ZNF783: variants seen among roughly 807,000 people sequenced by gnomAD.
ZNF783 encodes zinc finger protein 783.
Under a neutral mutation model 31.3 loss-of-function variants are expected in ZNF783, and 25 were observed. The observed-to-expected ratio is 0.80, with a 90% CI of 0.58 to 1.11. The LOEUF is 1.11. Ranked by LOEUF, ZNF783 falls within the 50% of genes most tolerant of loss-of-function variation. The pLI is 0.00. For synonymous variants in ZNF783, 369 were observed against 319.1 expected (o/e 1.16, Z -1.66); for missense variants, 797 against 760.0 (o/e 1.05, Z -0.57).
chr7:149,280,827 C>T (rs1036606105), intron 5 of ZNF783, among the ~76,000 whole-genome samples: 2 of 152,208 alleles, frequency 1.3e-5, no homozygotes, highest in East Asian at 3.9e-4. Flanking sequence ...TTGCTGTGAT[C>T]ACCTGCCACT....
At chr7:149,274,433 T>C (rs1020706155) in intron 4 of ZNF783, among the ~76,000 whole-genome samples, 13 of 152,096 alleles carry the variant, frequency 8.5e-5, no homozygotes, top group Non-Finnish European at 8.8e-5. Flanking sequence ...TGGCACAGTC[T>C]TGGCTCACTG....
intron 4 of ZNF783, among the ~76,000 whole-genome samples, chr7:149,272,696 T>G (rs1797234871): frequency 6.6e-6 from 1 of 152,174 alleles, no homozygotes; most frequent in Non-Finnish European, 1.5e-5. Context: ...TCAGGGTAAA[T>G]GGGATATTCA....
At chr7:149,276,634 G>A in intron 4 of ZNF783, 2 of 971,710 alleles carry the variant, frequency 2.1e-6, no homozygotes, top group Non-Finnish European at 1.2e-6. Flanking sequence ...AGAGTGGACA[G>A]GACCCCACTT....
At chr7:149,277,272 T>G (rs2129525094) in intron 4 of ZNF783, 1 of 152,372 alleles carries the variant, frequency 6.6e-6, no homozygotes, top group Non-Finnish European at 1.5e-5. Context: ...CTGGGTTTCT[T>G]GTCTGTTCCC....
chr7:149,276,295 C>T (rs984710706), intron 4 of ZNF783: 27 of 969,930 alleles, frequency 2.8e-5, no homozygotes, highest in Non-Finnish European at 3.2e-5. Flanking sequence ...TCAGTCACCA[C>T]CTTGTGATGC....
In ZNF783 at chr7:149,281,694, C is replaced by T. The variant is rs770645879; in HGVS notation, c.992C>T (p.Pro331Leu). Residue 331 changes from proline to leucine, a missense_variant, in exon 6 of 6, where the codon CCG (proline) becomes CTG (leucine). Transcript: ENST00000434415. ...GTGCGGGCAGGGGAGCCACGGCCAC[C>T]GGGGGCCAGTGGGGAGACGCCCCGA... Reference protein sequence around the residue: ...PRVRAGEPRPPGASGETPRVL... With the variant: ...PRVRAGEPRPLGASGETPRVL... 56 of 1,494,942 alleles carry T rather than the reference C, an allele frequency of 3.7e-5. No homozygotes were observed. Among genetic ancestry groups the T allele is most frequent in the Admixed American group, 1.2e-4 (5 of 43,132 alleles). 92.6% of individuals were successfully genotyped at this position (1,494,942 alleles called of 1,614,324 possible).
intron 1 of ZNF783, among the ~76,000 whole-genome samples, chr7:149,262,813 T>C (rs1320471459): frequency 2.6e-5 from 4 of 152,262 alleles, no homozygotes; most frequent in Non-Finnish European, 4.4e-5. Flanking sequence ...GCAGGGATTT[T>C]GGAATTAGAC....
chr7:149,267,142 G>T lies in ZNF783; in HGVS notation c.593G>T (p.Gly198Val). The change falls in exon 4 of 6, where the codon GGA becomes GTA. Residue 198 changes from glycine to valine, a missense_variant. Gly to Val is a moderately radical substitution (Grantham distance 109, BLOSUM62 -3). Transcript: ENST00000434415. ...KPDILTRIER[G>V]EEPCLDRWGQ... ...GACATCCTCACCCGGATAGAGAGGG[G>T]AGAGGAGCCTTGTCTTGACCGGTGG... The T allele has an allele frequency of 1.3e-6, 2 of 1,599,604 alleles. No individual in the cohort carries two copies. Among genetic ancestry groups the T allele is most frequent in the Non-Finnish European group, 1.7e-6 (2 of 1,179,812 alleles).
downstream of ZNF783, chr7:149,284,989 C>A (rs112616806): frequency 0.015 from 2,311 of 154,018 alleles, 33 homozygotes; most frequent in Middle Eastern, 0.034. Context: ...TTGGCATAAA[C>A]GAGTGCGTGC....
rs919072447 is a variant in ZNF783, at chr7:149,281,580, C to T, written c.878C>T (p.Ser293Phe). Residue 293 changes from serine (S) to phenylalanine (F), a missense_variant, in exon 6 of 6, where the codon TCC (serine) becomes TTC (phenylalanine). Ser to Phe is a radical substitution (Grantham distance 155). Transcript: ENST00000434415. ...MTPERLFLGV[S>F]RGQTECRIPR... ...CCTGAGCGGCTCTTTCTGGGGGTGT[C>T]CCGAGGCCAGACCGAGTGTAGAATC... 4 of 1,522,464 alleles carry T rather than the reference C, an allele frequency of 2.6e-6. No individual in the cohort carries two copies. Among genetic ancestry groups the T allele is most frequent in the Non-Finnish European group, 3.5e-6 (4 of 1,149,116 alleles). 94.3% of individuals were successfully genotyped at this position (1,522,464 alleles called of 1,614,324 possible).
chr7:149,264,282 A>AG (rs1334000684), intron 1 of ZNF783, among the ~76,000 whole-genome samples: 1 of 152,170 alleles, frequency 6.6e-6, no homozygotes, highest in Non-Finnish European at 1.5e-5. Context: ...GCTAAGGGGG[A>AG]GGGGCAGTGA....
chr7:149,284,960 T>C lies in ZNF783; in HGVS notation c.*2617T>C, dbSNP rs1319599800. 1.3e-5 allele frequency: 2 copies of C among 152,712 alleles called. No individual in the cohort carries two copies. Among genetic ancestry groups the C allele is most frequent in the East Asian group, 1.9e-4 (1 of 5,204 alleles). 9.5% of individuals were successfully genotyped at this position (152,712 alleles called of 1,614,324 possible). On this transcript the variant is annotated 3_prime_UTR_variant, in exon 6 of 6. Coordinates refer to ENST00000434415, the MANE Select transcript of ZNF783 (RefSeq NM_001195220.2). The stretch of plus-strand genomic sequence containing the variant: ...TGAAGGTGGTAGTCCCTTGCCCTAA[T>C]TGGTGCTCAATAAAGTTGTTGGCAT...
chr7:149,278,485 C>T lies in ZNF783; in HGVS notation c.760C>T (p.Gln254Ter), dbSNP rs1563198544. The change falls in exon 5 of 6, where the codon CAG becomes TAG. Residue 254 changes from glutamine to a stop codon, truncating the protein, a stop_gained. Coordinates refer to ENST00000434415, the MANE Select transcript of ZNF783 (RefSeq NM_001195220.2). LOFTEE classifies it low-confidence loss of function (END_TRUNC). ...LKEGQAPKQQ[Q>*]DSEARVAPAG... ...AGAAGGGCAGGCCCCCAAGCAGCAG[C>T]AGGACTCAGAGGCGAGAGTGGCCCC... The T allele has an allele frequency of 6.3e-7, 1 of 1,599,252 alleles. No homozygotes were observed.
At chr7:149,280,713 A>G (rs1797446435) in intron 5 of ZNF783, among the ~76,000 whole-genome samples, 1 of 133,798 alleles carries the variant, frequency 7.5e-6, no homozygotes, top group East Asian at 1.9e-4. Context: ...CCCTCTGCCT[A>G]GAGTCTGTGC....
In ZNF783 at chr7:149,266,324, C is replaced by A; in HGVS notation, c.25-11C>A. The A allele has an allele frequency of 6.5e-7, 1 of 1,543,422 alleles. No individual in the cohort carries two copies. The highest frequency in any genetic ancestry group is 2.3e-5 in the East Asian group (1 of 44,272). On this transcript the variant is annotated splice_polypyrimidine_tract_variant and intron_variant, in intron 1 of 5. Coordinates refer to ENST00000434415, the MANE Select transcript of ZNF783 (RefSeq NM_001195220.2). ...TCTCATAACATCTCTCTTTTCTCTT[C>A]TTGTGAGCAGGACCCCGAGACAGAC...
In ZNF783 at chr7:149,262,265, C is replaced by A; in HGVS notation, c.-69C>A. 1 of 1,304,462 alleles carries A rather than the reference C, an allele frequency of 7.7e-7. No individual in the cohort carries two copies. The highest frequency in any genetic ancestry group is 9.8e-7 in the Non-Finnish European group (1 of 1,021,362). The allele number at this position is 1,304,462 out of a possible 1,614,324, so 80.8% of individuals were successfully genotyped here. On this transcript the variant is annotated 5_prime_UTR_variant, in exon 1 of 6. The change creates a new upstream start codon in the 5' untranslated region. Coordinates refer to ENST00000434415, the MANE Select transcript of ZNF783 (RefSeq NM_001195220.2). The stretch of plus-strand genomic sequence containing the variant: ...GGGTCCCGCTCCGCTTCCGCCGTCG[C>A]TGCCGCGCCGCCCCGGGCCCGACAG...
intron 1 of ZNF783, among the ~76,000 whole-genome samples, 191 bp from the exon 2 acceptor site, chr7:149,266,144 T>C (rs1797058345): frequency 6.6e-6 from 1 of 152,124 alleles, no homozygotes; most frequent in Admixed American, 6.5e-5. Context: ...CCAGCCACTA[T>C]CTCTTGTATC....
In ZNF783 at chr7:149,278,416, G is replaced by A; in HGVS notation, c.691G>A (p.Glu231Lys). ...TTCTCCAGGCCTCCCTCCGTATCCAGAGCACCTCACCAGCCCACTTAGCCC... is the reference window on the plus strand; with the variant it reads ...TTCTCCAGGCCTCCCTCCGTATCCAAAGCACCTCACCAGCCCACTTAGCCC... ...MMGTGLPPYP[E>K]HLTSPLSPAQ... is the part of the protein sequence containing the mutation. Residue 231 changes from glutamate to lysine, a missense_variant, in exon 5 of 6, where the codon GAG becomes AAG. By Grantham distance (56) the Glu-to-Lys change is moderately conservative. Coordinates refer to ENST00000434415, the MANE Select transcript of ZNF783 (RefSeq NM_001195220.2). The A allele has an allele frequency of 6.3e-7, 1 of 1,599,388 alleles. No homozygotes were observed. The highest frequency in any genetic ancestry group is 8.5e-7 in the Non-Finnish European group (1 of 1,179,766).
At position 149,267,523 on chromosome 7, in the gene ZNF783, C is replaced by T. The variant is rs945183617; in HGVS notation, c.673+301C>T. 5.9e-5 allele frequency among the ~76,000 whole-genome samples: 9 copies of T among 152,142 alleles called. No individual in the cohort carries two copies. The East Asian group carries it at 7.7e-4, about 13-fold the overall frequency. ...TTTATAATAGTGGAGACTGGCCTGG[C>T]GCGGTGGCTCACGCCTGTAATCCCA... On this transcript the variant is annotated intron_variant, in intron 4 of 5. Transcript: ENST00000434415.
Sources: allele counts gnomAD v4.1 joint callset (sites outside exome capture counted in the v4.1 genomes callset), GRCh38; gene constraint gnomAD v4.1.1; transcripts MANE v1.5; gene names NCBI Gene and HGNC (gene_info 2026-07-23, HGNC 2026-07-21).